Variants in WWOX observed in about 807,000 individuals in gnomAD.
WWOX encodes the protein WW domain containing oxidoreductase, also known as WW domain-containing oxidoreductase.
Under a neutral mutation model 46.2 loss-of-function variants are expected in WWOX, and 69 were observed. That is an observed-to-expected ratio of 1.49 (90% CI 1.23 to 1.82). WWOX has a LOEUF of 1.82. WWOX is among the 40% of genes most tolerant of loss of function. The pLI is 0.00. For synonymous variants in WWOX, 359 were observed against 202.6 expected, an observed-to-expected ratio of 1.77 and a Z score of -6.56; for missense variants, 919 against 542.6, an observed-to-expected ratio of 1.69 and a Z score of -6.89.
At chr16:78,572,361 A>C (rs2044737533) in intron 8 of WWOX, among the ~76,000 whole-genome samples, 1 of 152,194 alleles carries the variant, frequency 6.6e-6, no homozygotes, top group Non-Finnish European at 1.5e-5. Flanking sequence ...TTGGAAGGCC[A>C]CAGTCGGCAG....
intron 8 of WWOX, among the ~76,000 whole-genome samples, chr16:78,477,926 G>C (rs529527504): frequency 2.6e-5 from 4 of 152,116 alleles, no homozygotes; most frequent in African/African-American, 9.7e-5. Flanking sequence ...GGTTATGTTC[G>C]TGCTAAAATG....
chr16:79,015,844 C>G (rs937905770), intron 8 of WWOX, among the ~76,000 whole-genome samples: 1 of 152,172 alleles, frequency 6.6e-6, no homozygotes, highest in Non-Finnish European at 1.5e-5. Flanking sequence ...CCCCGCCTCC[C>G]GGGTTCATGT....
At chr16:79,208,536 T>G (rs1196814366) in intron 8 of WWOX, among the ~76,000 whole-genome samples, 1 of 152,228 alleles carries the variant, frequency 6.6e-6, no homozygotes, top group Non-Finnish European at 1.5e-5. Flanking sequence ...ATTATTTCCT[T>G]TAGATGGCTC....
chr16:78,348,348 C>G (rs1282438206), intron 5 of WWOX, among the ~76,000 whole-genome samples: 1 of 120,936 alleles, frequency 8.3e-6, no homozygotes, highest in Non-Finnish European at 2.0e-5. Flanking sequence ...TGGCAAAGAA[C>G]CATCCCAGCA....
chr16:79,020,216 C>T (rs1238775660), intron 8 of WWOX, among the ~76,000 whole-genome samples: 1 of 152,130 alleles, frequency 6.6e-6, no homozygotes, highest in Non-Finnish European at 1.5e-5. Context: ...CAACTTAACC[C>T]ATTGAGAGAC....
intron 8 of WWOX, chr16:79,206,732 A>G (rs925722153): frequency 2.6e-5 from 4 of 152,118 alleles, no homozygotes; most frequent in South Asian, 2.1e-4. Context: ...ACTTATTCCA[A>G]ATTGAATTGT....
intron 5 of WWOX, among the ~76,000 whole-genome samples, chr16:78,334,090 A>G (rs2080823454): frequency 6.6e-6 from 1 of 152,206 alleles, no homozygotes; most frequent in South Asian, 2.1e-4. Context: ...AAAGATGCAG[A>G]TTTGATTCCC....
chr16:79,126,995 C>CT (rs954542061), intron 8 of WWOX, among the ~76,000 whole-genome samples: 5 of 150,450 alleles, frequency 3.3e-5, no homozygotes, highest in East Asian at 1.9e-4. Flanking sequence ...GTGGCCACTG[C>CT]TTTTTTTTTA....
At chr16:78,479,162 G>GTT (rs1378369137) in intron 8 of WWOX, among the ~76,000 whole-genome samples, 1 of 152,140 alleles carries the variant, frequency 6.6e-6, no homozygotes, top group Non-Finnish European at 1.5e-5. Context: ...AAGGTGTTTT[G>GTT]TTTTCTTTCT....
intron 5 of WWOX, among the ~76,000 whole-genome samples, chr16:78,176,510 A>G (rs572691149): frequency 1.1e-4 from 17 of 152,326 alleles, no homozygotes; most frequent in African/African-American, 3.8e-4. Context: ...TGTTCCGACT[A>G]CAATGCGTCC....
intron 8 of WWOX, among the ~76,000 whole-genome samples, chr16:78,983,368 G>T (rs1316994423): frequency 6.6e-6 from 1 of 152,176 alleles, no homozygotes; most frequent in African/African-American, 2.4e-5. Context: ...TTCTTAAGTT[G>T]AGCATTGCAT....
At chr16:79,048,369 G>A (rs1231166768) in intron 8 of WWOX, among the ~76,000 whole-genome samples, 1 of 151,906 alleles carries the variant, frequency 6.6e-6, no homozygotes, top group African/African-American at 2.4e-5. Flanking sequence ...CACTCTACCT[G>A]TTTACAAATT....
intron 8 of WWOX, among the ~76,000 whole-genome samples, chr16:78,793,299 G>A (rs974181723): frequency 6.6e-6 from 1 of 152,144 alleles, no homozygotes; most frequent in African/African-American, 2.4e-5. Context: ...GGGCTCAGGA[G>A]ATCTGCCTGC....
intron 8 of WWOX, among the ~76,000 whole-genome samples, chr16:78,538,613 C>G (rs1285455982): frequency 6.6e-6 from 1 of 152,190 alleles, no homozygotes; most frequent in Non-Finnish European, 1.5e-5. Context: ...TGCAGTTTAT[C>G]ATTATATGCC....
intron 8 of WWOX, among the ~76,000 whole-genome samples, chr16:78,958,380 A>C (rs1187061384): frequency 6.6e-6 from 1 of 152,252 alleles, no homozygotes; most frequent in Admixed American, 6.5e-5. Context: ...ACCCCCATGG[A>C]AATATATACT....
chr16:78,436,072 C>A (rs933237895), intron 8 of WWOX, among the ~76,000 whole-genome samples: 21 of 152,234 alleles, frequency 1.4e-4, no homozygotes, highest in African/African-American at 5.1e-4. Flanking sequence ...TACTGGAGAG[C>A]GTGGTCAAAT....
At chr16:78,553,007 T>A (rs1289617983) in intron 8 of WWOX, 1 of 152,246 alleles carries the variant, frequency 6.6e-6, no homozygotes, top group African/African-American at 2.4e-5. Flanking sequence ...GCTATTATCC[T>A]CAGCAAACTA....
At chr16:78,334,869 C>A (rs1211095355) in intron 5 of WWOX, among the ~76,000 whole-genome samples, 13 of 143,032 alleles carry the variant, frequency 9.1e-5, no homozygotes, top group African/African-American at 3.4e-4. Flanking sequence ...ATCACCAAAT[C>A]ACACCTGAAC....
intron 4 of WWOX, among the ~76,000 whole-genome samples, chr16:78,146,771 C>T (rs1262385706): frequency 1.3e-5 from 2 of 152,192 alleles, no homozygotes; most frequent in Non-Finnish European, 2.9e-5. Flanking sequence ...GTGCTGTAAT[C>T]ACTGAATATG....
Sources: gnomAD v4.1 joint callset for allele counts (sites outside exome capture counted in the v4.1 genomes callset) on GRCh38, gnomAD v4.1.1 for gene constraint, MANE v1.5 for transcripts, NCBI Gene and HGNC (gene_info 2026-07-23, HGNC 2026-07-21) for gene names.